Variants in TACC2 observed in about 807,000 individuals in gnomAD.
TACC2 encodes transforming acidic coiled-coil containing protein 2.
Under a neutral mutation model 227.3 loss-of-function variants are expected in TACC2, and 137 were observed. That is an observed-to-expected ratio of 0.60 (90% CI 0.52 to 0.69). The LOEUF (loss-of-function observed/expected upper bound fraction) is 0.69, where lower values mean the gene tolerates loss of function less well. Ranked by LOEUF, TACC2 falls within the 30% of genes least tolerant of loss-of-function variation. The probability of loss-of-function intolerance (pLI) is 0.00; values close to 1 mark genes in which losing one functional copy is unlikely to be tolerated. For synonymous variants in TACC2, 1,523 were observed against 1,487.5 expected (o/e 1.02, Z -0.55); for missense variants, 3,470 against 3,694.4 (o/e 0.94, Z 1.57).
At chr10:122,074,134 G>T (rs551198704) in intron 3 of TACC2, among the ~76,000 whole-genome samples, 2 of 143,000 alleles carry the variant, frequency 1.4e-5, no homozygotes, top group South Asian at 4.4e-4. Flanking sequence ...AGGCTGGAAT[G>T]CAGTGGCGTG....
chr10:122,151,602 C>G (rs919880603), intron 7 of TACC2, among the ~76,000 whole-genome samples: 1 of 152,038 alleles, frequency 6.6e-6, no homozygotes, highest in African/African-American at 2.4e-5. Context: ...AGAAACATGT[C>G]TTCTCTTTTC....
At chr10:122,218,792 T>G (rs2141188568) in intron 11 of TACC2, among the ~76,000 whole-genome samples, 1 of 151,922 alleles carries the variant, frequency 6.6e-6, no homozygotes, top group Middle Eastern at 3.4e-3. Flanking sequence ...GGCAGGCAGA[T>G]CACATGAGCT....
intron 5 of TACC2, among the ~76,000 whole-genome samples, chr10:122,129,060 A>AATTATTATTATTATTATT (rs34221080): frequency 3.7e-4 from 47 of 128,548 alleles, no homozygotes; most frequent in Non-Finnish European, 6.1e-4. Context: ...ATCTTATTTT[A>AATTATTATTATTATTATT]ATTATTATTA....
chr10:122,187,635 C>T lies in TACC2; in HGVS notation c.5835-7405C>T, dbSNP rs1156991363. On this transcript the variant is annotated intron_variant, in intron 7 of 22. Coordinates refer to ENST00000369005, the MANE Select transcript of TACC2 (RefSeq NM_206862.4). ...CCCCGTGAGTAGCTGGAATTACAGGCGCCTGCCACCACGCCCAGCTAATTT... is the reference window on the plus strand; with the variant it reads ...CCCCGTGAGTAGCTGGAATTACAGGTGCCTGCCACCACGCCCAGCTAATTT... 9.2e-5 allele frequency among the ~76,000 whole-genome samples: 14 copies of T among 152,102 alleles called. No individual in the cohort carries two copies. In the East Asian group the frequency reaches 1.4e-3, roughly 15 times the overall value.
Position 122,210,389 on chromosome 10 carries a change from T to C in TACC2, c.5972-8T>C. 1 of 1,609,792 alleles carries C rather than the reference T, an allele frequency of 6.2e-7. No homozygotes were observed. The highest frequency in any genetic ancestry group is 1.7e-5 in the Admixed American group (1 of 60,018). ...CTGTAATTGATGGCGTTGTCTGTGT[T>C]TCCCCAGGATGTGGTTCTGAGACAG... On this transcript the variant is annotated splice_region_variant and splice_polypyrimidine_tract_variant and intron_variant, in intron 8 of 22. Transcript: ENST00000369005. This position sits in a 1 kb window ranked among gnomAD's most constrained non-coding sequence, Gnocchi z 4.6.
intron 5 of TACC2, among the ~76,000 whole-genome samples, chr10:122,102,745 G>C (rs1245638066): frequency 6.6e-6 from 1 of 152,294 alleles, no homozygotes; most frequent in Admixed American, 6.5e-5. Context: ...GTCTGTCCGA[G>C]CAGTGCAGAC....
chr10:122,049,797 T>G (rs2075472962), intron 2 of TACC2, among the ~76,000 whole-genome samples: 1 of 152,042 alleles, frequency 6.6e-6, no homozygotes, highest in South Asian at 2.1e-4. Context: ...GCCTTATATT[T>G]TTGCATCCTG....
At position 122,211,275 on chromosome 10, in the gene TACC2, C is replaced by T. The variant is rs762439872; in HGVS notation, c.6850C>T (p.Pro2284Ser). 6.2e-7 allele frequency: 1 copy of T among 1,614,080 alleles called. No homozygotes were observed. The highest frequency in any genetic ancestry group is 1.1e-5 in the South Asian group (1 of 91,070). ...SSWDNQQENPPPTKKIGKKPV... is the reference protein window; with the variant it reads ...SSWDNQQENPSPTKKIGKKPV... ...TTGGGACAACCAGCAGGAAAACCCC[C>T]CTCCTACCAAAAAGATAGGCAAAAA... The change falls in exon 9 of 23, where the codon CCT (proline) becomes TCT (serine). Residue 2284 changes from proline to serine, a missense_variant. Transcript: ENST00000369005.
chr10:122,069,194 T>C (rs2077741899), intron 3 of TACC2, among the ~76,000 whole-genome samples: 1 of 152,092 alleles, frequency 6.6e-6, no homozygotes, highest in African/African-American at 2.4e-5. Context: ...CTCCAGACCT[T>C]CAGTGGGGGC....
intron 3 of TACC2, 142 bp from the exon 4 acceptor site, chr10:122,082,505 G>T (rs1262182857): frequency 2.2e-6 from 2 of 889,602 alleles, no homozygotes; most frequent in Non-Finnish European, 3.5e-6. Flanking sequence ...CTCACAGAGA[G>T]GAATGAGCTG....
Position 122,027,444 on chromosome 10 carries a change from T to A in TACC2, c.33+5430T>A, listed in dbSNP as rs148982790. 1.2e-3 allele frequency among the ~76,000 whole-genome samples: 181 copies of A among 152,326 alleles called. 5 individuals carry two copies. The highest frequency in any genetic ancestry group is 3.1e-4 in the Non-Finnish European group (21 of 68,020). ...GATTCATTTTTGTGTCTGTGTATTTTTTTTTAACCTACGAATGTCCATCTT... is the reference window on the plus strand; with the variant it reads ...GATTCATTTTTGTGTCTGTGTATTTATTTTTAACCTACGAATGTCCATCTT... On this transcript the variant is annotated intron_variant, in intron 2 of 22. Transcript: ENST00000369005.
intron 5 of TACC2, among the ~76,000 whole-genome samples, chr10:122,124,520 C>T (rs2086453322): frequency 6.6e-6 from 1 of 152,226 alleles, no homozygotes; most frequent in Admixed American, 6.5e-5. Flanking sequence ...GTCTGAGCGT[C>T]TGAGGTTCCG....
At chr10:122,045,817 C>T (rs2074907353) in intron 2 of TACC2, among the ~76,000 whole-genome samples, 1 of 152,216 alleles carries the variant, frequency 6.6e-6, no homozygotes, top group African/African-American at 2.4e-5. Flanking sequence ...TTGCTTTTAA[C>T]TCCATCCAGA....
At chr10:122,250,696 A>G (rs1285467856) in intron 22 of TACC2, among the ~76,000 whole-genome samples, 1 of 152,050 alleles carries the variant, frequency 6.6e-6, no homozygotes. Context: ...TCCTGTCCCC[A>G]CTGCACCATC....
At chr10:122,133,188 C>T (rs1379141111) in intron 6 of TACC2, among the ~76,000 whole-genome samples, 1 of 152,116 alleles carries the variant, frequency 6.6e-6, no homozygotes, top group East Asian at 1.9e-4. Context: ...AGAGGAGGGT[C>T]AGCAGCACAT....
intron 7 of TACC2, among the ~76,000 whole-genome samples, chr10:122,182,264 T>C (rs2093995253): frequency 1.3e-5 from 2 of 152,192 alleles, no homozygotes. Context: ...ATGCGTGAAA[T>C]AGACCAAACA....
chr10:122,211,753 G>A (rs372261610), intron 9 of TACC2, 45 bp downstream of exon 9: 35 of 1,486,600 alleles, frequency 2.4e-5, no homozygotes, highest in Middle Eastern at 1.9e-4. Flanking sequence ...GCGGGGGTGC[G>A]CATTGGCTGT....
At chr10:122,031,861 C>T (rs1045149318) in intron 2 of TACC2, among the ~76,000 whole-genome samples, 36 of 152,168 alleles carry the variant, frequency 2.4e-4, no homozygotes, top group Non-Finnish European at 4.7e-4. Flanking sequence ...TGTGCCGCCA[C>T]ACCTGGCTAA....
intron 9 of TACC2, chr10:122,213,357 G>A (rs757418305): frequency 9.3e-6 from 15 of 1,612,098 alleles, no homozygotes; most frequent in East Asian, 2.2e-5. Context: ...TTGAAGATGT[G>A]ATGTCTGTGT....
Sources: allele counts gnomAD v4.1 joint callset (sites outside exome capture counted in the v4.1 genomes callset), GRCh38; gene constraint gnomAD v4.1.1; non-coding constraint Gnocchi (gnomAD v3.1); transcripts MANE v1.5; gene names NCBI Gene and HGNC (gene_info 2026-07-23, HGNC 2026-07-21).